Variants in RSU1 observed in about 807,000 individuals in gnomAD.
RSU1 encodes the protein Ras suppressor protein 1.
Under a neutral mutation model 31.1 loss-of-function variants are expected in RSU1, and 26 were observed. That is an observed-to-expected ratio of 0.84 (90% CI 0.61 to 1.16). The LOEUF is 1.16. Ranked by LOEUF, RSU1 falls within the 50% of genes most tolerant of loss-of-function variation. The pLI is 0.00. For synonymous variants in RSU1, 164 were observed against 136.3 expected (o/e 1.20, Z -1.41); for missense variants, 320 against 339.1 (o/e 0.94, Z 0.44).
intron 8 of RSU1, among the ~76,000 whole-genome samples, chr10:16,684,050 A>G (rs1050677532): frequency 2.6e-5 from 4 of 152,168 alleles, no homozygotes; most frequent in East Asian, 1.9e-4. Context: ...CAGATGACAA[A>G]TGTTCCCTAT....
Position 16,752,549 on chromosome 10 carries a change from G to A in RSU1, c.588C>T (p.Pro196=), listed in dbSNP as rs1408787090. 1.2e-6 allele frequency: 2 copies of A among 1,612,652 alleles called. No homozygotes were observed. Among genetic ancestry groups the A allele is most frequent in the Non-Finnish European group, 8.5e-7 (1 of 1,178,794 alleles). The change falls in exon 7 of 9, where the codon CCC becomes CCT. Residue 196 remains proline (P), a synonymous_variant. Coordinates refer to ENST00000345264, the MANE Select transcript of RSU1 (RefSeq NM_012425.4). ...CATCAGCAACCTTACCTAGTTCTGGGGGCAGAACGGTGAGGCGGTTCCCCT... is the reference window on the plus strand; with the variant it reads ...CATCAGCAACCTTACCTAGTTCTGGAGGCAGAACGGTGAGGCGGTTCCCCT... The part of the protein sequence containing the change: ...HIQGNRLTVL[P]PELGNLDLTG...
intron 7 of RSU1, among the ~76,000 whole-genome samples, chr10:16,712,991 T>A (rs189484584): frequency 3.9e-5 from 6 of 152,274 alleles, no homozygotes; most frequent in Non-Finnish European, 5.9e-5. Flanking sequence ...TGACAGTTCC[T>A]CCTCCCCACA....
chr10:16,728,564 A>G (rs377212295), intron 7 of RSU1, among the ~76,000 whole-genome samples: 1 of 152,290 alleles, frequency 6.6e-6, no homozygotes, highest in East Asian at 1.9e-4. Context: ...GTGTGTTACT[A>G]TGTGTGGGAG....
At chr10:16,632,739 G>GA (rs1332474555) in intron 8 of RSU1, among the ~76,000 whole-genome samples, 1 of 152,114 alleles carries the variant, frequency 6.6e-6, no homozygotes, top group Non-Finnish European at 1.5e-5. Flanking sequence ...AGGGGTTTGA[G>GA]ACCAGACTGA....
intron 8 of RSU1, among the ~76,000 whole-genome samples, chr10:16,624,329 T>G (rs1482953542): frequency 6.6e-6 from 1 of 152,152 alleles, no homozygotes; most frequent in Non-Finnish European, 1.5e-5. Flanking sequence ...TACTTCCCTT[T>G]CTGGTCCCAC....
chr10:16,662,647 C>T (rs1017754160), intron 8 of RSU1, among the ~76,000 whole-genome samples: 2 of 152,072 alleles, frequency 1.3e-5, no homozygotes, highest in African/African-American at 2.4e-5. Context: ...CTGTGAAATA[C>T]AGGAAAAGAA....
chr10:16,709,522 G>C (rs1365166805), intron 7 of RSU1, among the ~76,000 whole-genome samples: 2 of 152,252 alleles, frequency 1.3e-5, no homozygotes, highest in East Asian at 3.9e-4. Flanking sequence ...GCAATGGGAT[G>C]GCTGGGTCAA....
intron 8 of RSU1, among the ~76,000 whole-genome samples, chr10:16,646,906 G>C (rs1185996769): frequency 6.6e-6 from 1 of 152,162 alleles, no homozygotes; most frequent in East Asian, 1.9e-4. Flanking sequence ...TTTCATACCA[G>C]TGGGTGTGAA....
intron 8 of RSU1, among the ~76,000 whole-genome samples, chr10:16,670,420 G>C (rs941546243): frequency 2.6e-5 from 4 of 152,176 alleles, no homozygotes; most frequent in Admixed American, 1.3e-4. Flanking sequence ...TTGATAAACT[G>C]AGAACCTACC....
chr10:16,804,673 C>T (rs892666262), intron 2 of RSU1, among the ~76,000 whole-genome samples: 2 of 152,120 alleles, frequency 1.3e-5, no homozygotes, highest in South Asian at 2.1e-4. Flanking sequence ...AAAGACATGG[C>T]GGAATCTTAA....
intron 8 of RSU1, among the ~76,000 whole-genome samples, chr10:16,673,158 C>A (rs755045218): frequency 2.6e-5 from 4 of 152,228 alleles, no homozygotes; most frequent in Non-Finnish European, 4.4e-5. Flanking sequence ...CATTGAAATG[C>A]TTCTTCAGGG....
intron 3 of RSU1, among the ~76,000 whole-genome samples, chr10:16,768,024 G>C (rs765180121): frequency 1.1e-4 from 17 of 152,156 alleles, no homozygotes; most frequent in Non-Finnish European, 2.1e-4. Context: ...GATATCTACA[G>C]GATGCATGAG....
At chr10:16,631,222 C>A (rs1834240195) in intron 8 of RSU1, among the ~76,000 whole-genome samples, 1 of 152,212 alleles carries the variant, frequency 6.6e-6, no homozygotes, top group African/African-American at 2.4e-5. Flanking sequence ...AAGGCAAGCT[C>A]TTGCATGACA....
intron 8 of RSU1, among the ~76,000 whole-genome samples, chr10:16,682,920 G>A (rs1835359661): frequency 6.6e-6 from 1 of 152,166 alleles, no homozygotes; most frequent in Non-Finnish European, 1.5e-5. Flanking sequence ...TTGGTGCTCT[G>A]TGGAACCCTC....
intron 2 of RSU1, among the ~76,000 whole-genome samples, chr10:16,791,913 A>G (rs911796304): frequency 7.2e-5 from 11 of 152,228 alleles, no homozygotes; most frequent in African/African-American, 2.7e-4. Flanking sequence ...CTGGCAAATT[A>G]GGAAGCAAAT....
At chr10:16,601,686 C>G (rs1833717119) in intron 8 of RSU1, among the ~76,000 whole-genome samples, 1 of 152,194 alleles carries the variant, frequency 6.6e-6, no homozygotes, top group South Asian at 2.1e-4. Context: ...TAGCCTGGCA[C>G]CTGGCATGGA....
intron 2 of RSU1, among the ~76,000 whole-genome samples, chr10:16,785,387 TCA>T (rs1837753476): frequency 9.0e-6 from 1 of 111,620 alleles, no homozygotes; most frequent in Admixed American, 8.3e-5. Context: ...ATAAACTCAT[TCA>T]CTCTCTCTCT....
intron 7 of RSU1, among the ~76,000 whole-genome samples, chr10:16,708,473 G>GT (rs1835950053): frequency 6.6e-6 from 1 of 152,118 alleles, no homozygotes; most frequent in South Asian, 2.1e-4. Flanking sequence ...TTAAATCTAA[G>GT]TTCTTTAGGA....
intron 8 of RSU1, among the ~76,000 whole-genome samples, chr10:16,594,208 C>T (rs193252328): frequency 2.0e-5 from 3 of 152,126 alleles, no homozygotes; most frequent in Admixed American, 6.5e-5. Context: ...ATAACTGTGT[C>T]TCCAAGAGAG....
Sources: gnomAD v4.1 joint callset for allele counts (sites outside exome capture counted in the v4.1 genomes callset) on GRCh38, gnomAD v4.1.1 for gene constraint, MANE v1.5 for transcripts, NCBI Gene and HGNC (gene_info 2026-07-23, HGNC 2026-07-21) for gene names.